PAX3: variants seen among roughly 807,000 people sequenced by gnomAD.
The protein encoded by PAX3 is paired box 3.
Under a neutral mutation model 51.6 loss-of-function variants are expected in PAX3, and 14 were observed. The ratio of observed to expected loss-of-function variants is 0.27; its 90% CI spans 0.18 to 0.42. PAX3 has a LOEUF of 0.42. PAX3 is among the 10% of genes least tolerant of loss of function. The probability of loss-of-function intolerance (pLI) is 1.00; values close to 1 mark genes in which losing one functional copy is unlikely to be tolerated. For synonymous variants in PAX3, 280 were observed against 253.4 expected (o/e 1.11, Z -1.00); for missense variants, 540 against 642.8 (o/e 0.84, Z 1.73).
intron 4 of PAX3, among the ~76,000 whole-genome samples, chr2:222,237,326 G>A (rs201265012): frequency 1.4e-5 from 2 of 146,562 alleles, no homozygotes; most frequent in East Asian, 2.0e-4. Flanking sequence ...TTTATCACAT[G>A]CACACACACA....
intron 8 of PAX3, chr2:222,201,647 A>C (rs1020783765): frequency 3.0e-6 from 4 of 1,350,954 alleles, no homozygotes; most frequent in Admixed American, 2.3e-5. Flanking sequence ...CCTCATTAAG[A>C]ACATGTGTTT....
intron 4 of PAX3, among the ~76,000 whole-genome samples, chr2:222,292,426 A>C (rs191244141): frequency 6.6e-6 from 1 of 151,892 alleles, no homozygotes; most frequent in Non-Finnish European, 1.5e-5. Context: ...TAGATTGTGT[A>C]GAGAAGGACT....
chr2:222,294,425 C>A, intron 3 of PAX3, 124 bp from the exon 4 acceptor site: 1 of 1,021,190 alleles, frequency 9.8e-7, no homozygotes, highest in South Asian at 1.3e-5. Flanking sequence ...CTGCACTGCT[C>A]GCGGGTGTCT....
chr2:222,216,294 T>G (rs1331615368), intron 7 of PAX3, among the ~76,000 whole-genome samples: 1 of 152,204 alleles, frequency 6.6e-6, no homozygotes, highest in Non-Finnish European at 1.5e-5. Flanking sequence ...ATGATTGTGT[T>G]GCCTTGGCCT....
Position 222,260,741 on chromosome 2 carries a change from C to G in PAX3, c.587-28458G>C, listed in dbSNP as rs1300473908. ...GAGTAGCTGGAATTACAGGTGTGAA[C>G]CCCCATGCCCGGCTAATTTTTCTAT... is the stretch of plus-strand genomic sequence containing the variant. On this transcript the variant is annotated intron_variant, in intron 4 of 8. Transcript: ENST00000392070. Among the ~76,000 whole-genome samples, 6 of 151,694 alleles carry G rather than the reference C, an allele frequency of 4.0e-5. No homozygotes were observed. The East Asian group carries it at 1.2e-3, about 30-fold the overall frequency.
chr2:222,248,419 T>C (rs1693305953), intron 4 of PAX3, among the ~76,000 whole-genome samples: 1 of 152,198 alleles, frequency 6.6e-6, no homozygotes, highest in South Asian at 2.1e-4. Flanking sequence ...AAGCCCAGTT[T>C]CACAAAGCAT....
chr2:222,268,895 C>T (rs536255297), intron 4 of PAX3, among the ~76,000 whole-genome samples: 1 of 151,960 alleles, frequency 6.6e-6, no homozygotes, highest in African/African-American at 2.4e-5. Context: ...AGGCAGTCTC[C>T]GAGCCCCCAG....
chr2:222,226,724 T>A (rs62188395), intron 5 of PAX3, among the ~76,000 whole-genome samples: 2,071 of 150,466 alleles, frequency 0.014, 20 homozygotes, highest in Middle Eastern at 0.041. Context: ...AAATTATGCA[T>A]TTGGGTCATT....
chr2:222,283,726 C>A (rs907785250), intron 4 of PAX3, among the ~76,000 whole-genome samples: 4 of 152,216 alleles, frequency 2.6e-5, no homozygotes, highest in Admixed American at 1.3e-4. Context: ...ACTGGGGGCC[C>A]GGCTGGCCAA....
intron 4 of PAX3, among the ~76,000 whole-genome samples, chr2:222,237,167 C>T (rs1361264724): frequency 6.6e-6 from 1 of 152,102 alleles, no homozygotes; most frequent in Admixed American, 6.6e-5. Context: ...ACTTATCCCA[C>T]TGTACAGAAA....
chr2:222,294,547 C>G (rs946010524), intron 3 of PAX3, among the ~76,000 whole-genome samples: 13 of 152,110 alleles, frequency 8.5e-5, no homozygotes, highest in African/African-American at 3.1e-4. Context: ...CTGGGAAAAC[C>G]GTGCCTCCAA....
chr2:222,213,577 CT>C (rs1691834754), intron 7 of PAX3, among the ~76,000 whole-genome samples: 1 of 152,148 alleles, frequency 6.6e-6, no homozygotes, highest in South Asian at 2.1e-4. Context: ...AGGCTCAAGC[CT>C]TTGAGAGGCT....
intron 4 of PAX3, among the ~76,000 whole-genome samples, chr2:222,276,970 C>A (rs973221706): frequency 1.3e-5 from 2 of 152,134 alleles, no homozygotes; most frequent in Admixed American, 6.5e-5. Context: ...AAGCACCCTG[C>A]GTATTCTAAA....
chr2:222,201,265 C>T lies in PAX3; in HGVS notation c.*143G>A. ...ACTATTGGAGGAAGAAAATCAATCA[C>T]TCTCCTTTGTCTCCTATTGGGACCA... is the stretch of plus-strand genomic sequence containing the variant. On this transcript the variant is annotated 3_prime_UTR_variant, in exon 9 of 9. Transcript: ENST00000392070. The T allele has an allele frequency of 6.2e-7, 1 of 1,613,916 alleles. No homozygotes were observed. Among genetic ancestry groups the T allele is most frequent in the Non-Finnish European group, 8.5e-7 (1 of 1,179,976 alleles).
chr2:222,232,836 C>G (rs1692649676), intron 4 of PAX3: 1 of 156,630 alleles, frequency 6.4e-6, no homozygotes, highest in Non-Finnish European at 1.4e-5. Context: ...TTAACTATTC[C>G]CAGATTCCTA....
At chr2:222,271,645 T>G (rs923611358) in intron 4 of PAX3, among the ~76,000 whole-genome samples, 7 of 152,222 alleles carry the variant, frequency 4.6e-5, no homozygotes, top group African/African-American at 9.6e-5. Flanking sequence ...GTAAAGCATT[T>G]TGAAGTTTTT....
chr2:222,259,135 A>G (rs188398127), intron 4 of PAX3, among the ~76,000 whole-genome samples: 8 of 152,312 alleles, frequency 5.3e-5, no homozygotes, highest in Admixed American at 5.2e-4. Context: ...AGCAGCTGAG[A>G]TCTACTTTCC....
In PAX3 at chr2:222,220,144, G is replaced by C; in HGVS notation, c.1169C>G (p.Pro390Arg). ...GTCTAGAAACACGGGACTGACCTGA[G>C]GTGAGAGGCCATTGCCAATGGTGGG... ...MNPTIGNGLS[P>R]QVMGLLTNHG... Residue 390 changes from proline to arginine, a missense_variant, in exon 7 of 9, where the codon CCT becomes CGT. By Grantham distance (103) the Pro-to-Arg change is moderately radical. Around this residue, in one of 3 missense-constraint regions of PAX3, gnomAD observed 427 missense variants for 483.6 expected, o/e 0.88. Coordinates refer to ENST00000392070, the MANE Select transcript of PAX3 (RefSeq NM_181458.4). The C allele has an allele frequency of 6.2e-7, 1 of 1,613,200 alleles. No homozygotes were observed.
chr2:222,265,234 T>C (rs1200487949), intron 4 of PAX3: 2 of 152,238 alleles, frequency 1.3e-5, no homozygotes, highest in Non-Finnish European at 2.9e-5. Context: ...ACATGTCTCA[T>C]AAAAGGCTCT....
Sources: gnomAD v4.1 joint callset for allele counts (sites outside exome capture counted in the v4.1 genomes callset) on GRCh38, gnomAD v4.1.1 for gene constraint, gnomAD v4.1.1 regional missense constraint, MANE v1.5 for transcripts, NCBI Gene and HGNC (gene_info 2026-07-23, HGNC 2026-07-21) for gene names.